Variants in CSGALNACT1 observed in about 807,000 individuals in gnomAD.
The protein encoded by CSGALNACT1 is beta4GalNAcT-1.
A neutral mutation model predicts 51.0 loss-of-function variants in CSGALNACT1; 52 were observed. That is an observed-to-expected ratio of 1.02 (90% CI 0.82 to 1.29). CSGALNACT1 has a LOEUF of 1.29. Ranked by LOEUF, CSGALNACT1 falls within the 50% of genes most tolerant of loss-of-function variation. CSGALNACT1 has a pLI of 0.00. For missense variants in CSGALNACT1, 935 were observed against 679.2 expected, an observed-to-expected ratio of 1.38 and a Z score of -4.19; for synonymous variants, 341 against 254.4, an observed-to-expected ratio of 1.34 and a Z score of -3.24.
intron 1 of CSGALNACT1, among the ~76,000 whole-genome samples, chr8:19,681,208 C>A (rs1431872085): frequency 1.2e-4 from 18 of 152,044 alleles, no homozygotes; most frequent in Admixed American, 1.2e-3. Context: ...ACTGCCCCTG[C>A]CAAGCCACCA....
chr8:19,482,756 G>T (rs1486688262), intron 4 of CSGALNACT1, among the ~76,000 whole-genome samples: 1 of 152,070 alleles, frequency 6.6e-6, no homozygotes, highest in Non-Finnish European at 1.5e-5. Flanking sequence ...CATCTCCACA[G>T]TTTAAATTTG....
intron 3 of CSGALNACT1, among the ~76,000 whole-genome samples, chr8:19,587,655 C>T (rs1292380316): frequency 6.6e-6 from 1 of 152,104 alleles, no homozygotes; most frequent in Non-Finnish European, 1.5e-5. Flanking sequence ...CATACAGATG[C>T]CCTTTATGAT....
intron 3 of CSGALNACT1, among the ~76,000 whole-genome samples, chr8:19,518,243 T>C (rs2154026675): frequency 6.6e-6 from 1 of 152,246 alleles, no homozygotes; most frequent in Admixed American, 6.5e-5. Context: ...AATCATTTTC[T>C]AACTAAGAGC....
chr8:19,644,701 C>G (rs1324154705), intron 1 of CSGALNACT1, among the ~76,000 whole-genome samples: 3 of 123,614 alleles, frequency 2.4e-5, no homozygotes, highest in Non-Finnish European at 4.8e-5. Flanking sequence ...CAGAGCGAGA[C>G]TCCGTCTCAA....
intron 3 of CSGALNACT1, among the ~76,000 whole-genome samples, chr8:19,583,454 T>C (rs181065491): frequency 1.3e-5 from 2 of 152,330 alleles, no homozygotes; most frequent in African/African-American, 4.8e-5. Flanking sequence ...CTAAGCTGCA[T>C]TGGATCTGAT....
intron 6 of CSGALNACT1, among the ~76,000 whole-genome samples, chr8:19,426,913 C>G (rs1309602025): frequency 6.6e-6 from 1 of 152,150 alleles, no homozygotes; most frequent in African/African-American, 2.4e-5. Context: ...CTCACAATAG[C>G]CTTTCATTGT....
At chr8:19,735,829 A>T (rs1037008334) in intron 1 of CSGALNACT1, among the ~76,000 whole-genome samples, 1 of 152,216 alleles carries the variant, frequency 6.6e-6, no homozygotes, top group African/African-American at 2.4e-5. Context: ...TAATATGTCA[A>T]TTGAACATTA....
At chr8:19,739,219 G>A (rs1313055870) in intron 1 of CSGALNACT1, among the ~76,000 whole-genome samples, 1 of 151,704 alleles carries the variant, frequency 6.6e-6, no homozygotes, top group Non-Finnish European at 1.5e-5. Flanking sequence ...GTAACAGAAA[G>A]TCCTAAAGTT....
rs578014737 is a variant in CSGALNACT1, at chr8:19,514,526, A to G, written c.-296-8396T>C. Among the ~76,000 whole-genome samples, 142 of 103,370 alleles carry G rather than the reference A, an allele frequency of 1.4e-3. 2 individuals are homozygous for G. Among genetic ancestry groups the G allele is most frequent in the African/African-American group, 2.8e-3 (65 of 23,110 alleles). The allele number at this position is 103,370 out of a possible 152,430, so 67.8% of individuals were successfully genotyped here. A position where few individuals can be genotyped will look rare whatever the true frequency, so the allele number is the denominator to read the frequency against. ...ATATATATATACATGTATCTATTTAAAAATTATATACAGGCCAGGCACAGT... is the reference window on the plus strand; with the variant it reads ...ATATATATATACATGTATCTATTTAGAAATTATATACAGGCCAGGCACAGT... On this transcript the variant is annotated intron_variant, in intron 3 of 9. Transcript: ENST00000454498.
At chr8:19,477,973 C>T (rs2070197904) in intron 4 of CSGALNACT1, among the ~76,000 whole-genome samples, 1 of 152,192 alleles carries the variant, frequency 6.6e-6, no homozygotes, top group East Asian at 1.9e-4. Flanking sequence ...AAGAGTAACA[C>T]AGTTTCCAGG....
At chr8:19,723,941 G>A (rs1477929801) in intron 1 of CSGALNACT1, among the ~76,000 whole-genome samples, 4 of 152,124 alleles carry the variant, frequency 2.6e-5, no homozygotes, top group Non-Finnish European at 5.9e-5. Flanking sequence ...ATCAATAGAA[G>A]TAGTAACATA....
chr8:19,427,573 G>C (rs944074351), intron 6 of CSGALNACT1, among the ~76,000 whole-genome samples: 2 of 152,100 alleles, frequency 1.3e-5, no homozygotes. Flanking sequence ...CGGATCACGA[G>C]GTCAGGAGAT....
rs1412913514 is a variant in CSGALNACT1 at position 19,525,683 on chromosome 8, G to A, written c.-296-19553C>T. Among the ~76,000 whole-genome samples, 5 of 137,088 alleles carry A rather than the reference G, an allele frequency of 3.6e-5. 1 individual carries two copies. The highest frequency in any genetic ancestry group is 2.2e-4 in the Admixed American group (3 of 13,358). The allele number at this position is 137,088 out of a possible 152,430, so 89.9% of individuals were successfully genotyped here. ...CACCATAAGCCTTGTGCACAAAGCT[G>A]GAATAAATGACCTAGAGAAAAGTTG... On this transcript the variant is annotated intron_variant, in intron 3 of 9. Coordinates refer to ENST00000454498, the Ensembl canonical transcript of CSGALNACT1.
chr8:19,565,049 G>A (rs1281521439), intron 3 of CSGALNACT1, among the ~76,000 whole-genome samples: 2 of 152,172 alleles, frequency 1.3e-5, no homozygotes, highest in Admixed American at 6.5e-5. Flanking sequence ...GACTGAAAGT[G>A]CCCACTATAT....
chr8:19,692,342 C>G (rs2061374971), intron 1 of CSGALNACT1, among the ~76,000 whole-genome samples: 1 of 152,216 alleles, frequency 6.6e-6, no homozygotes, highest in African/African-American at 2.4e-5. Flanking sequence ...CTAATTCACA[C>G]TAAAGTTGGA....
chr8:19,630,174 C>A (rs2055023319), intron 1 of CSGALNACT1, among the ~76,000 whole-genome samples: 1 of 147,046 alleles, frequency 6.8e-6, no homozygotes, highest in Admixed American at 6.8e-5. Flanking sequence ...AGAAGATTAG[C>A]CATCCAAGTT....
intron 1 of CSGALNACT1, among the ~76,000 whole-genome samples, chr8:19,754,796 G>A (rs1226238341): frequency 6.6e-6 from 1 of 152,192 alleles, no homozygotes; most frequent in East Asian, 1.9e-4. Context: ...AGCCTGGGGT[G>A]ATACACTATG....
chr8:19,467,545 T>A (rs2066991938), intron 4 of CSGALNACT1, among the ~76,000 whole-genome samples: 1 of 152,048 alleles, frequency 6.6e-6, no homozygotes, highest in South Asian at 2.1e-4. Flanking sequence ...AGGTTAGGAT[T>A]CCAGCACTGA....
In CSGALNACT1 at chr8:19,496,215, T is replaced by C. The variant is rs568021315; in HGVS notation, c.634+8986A>G. ...CATTAAAACTCAAAGAATATGTATC[T>C]GGTAAAAGATAGGGTTTTTAAAAAG... On this transcript the variant is annotated intron_variant, in intron 4 of 9. Transcript: ENST00000454498. Among the ~76,000 whole-genome samples the C allele has an allele frequency of 1.8e-4, 28 of 152,306 alleles. No homozygotes were observed. The East Asian group carries it at 5.2e-3, about 28-fold the overall frequency.
Sources: allele counts gnomAD v4.1 joint callset (sites outside exome capture counted in the v4.1 genomes callset), GRCh38; gene constraint gnomAD v4.1.1; transcripts MANE v1.5; gene names NCBI Gene and HGNC (gene_info 2026-07-23, HGNC 2026-07-21).